SCAI: variants seen among roughly 807,000 people sequenced by gnomAD.
SCAI encodes the protein suppressor of cancer cell invasion, also known as protein SCAI.
Under a neutral mutation model 92.2 loss-of-function variants are expected in SCAI, and 24 were observed. That is an observed-to-expected ratio of 0.26 (90% CI 0.19 to 0.37). The LOEUF (loss-of-function observed/expected upper bound fraction) is 0.37. Among genes scored for constraint, SCAI ranks in the 10% least tolerant of loss-of-function variants. The probability of loss-of-function intolerance (pLI) is 1.00; values close to 1 mark genes in which losing one functional copy is unlikely to be tolerated. For synonymous variants in SCAI, 261 were observed against 258.6 expected, an observed-to-expected ratio of 1.01 and a Z score of -0.09; for missense variants, 450 against 736.2, an observed-to-expected ratio of 0.61 and a Z score of 4.50.
rs566513615 is a variant in SCAI at position 125,091,011 on chromosome 9, C to T, written c.99-35004G>A. 3.9e-5 allele frequency among the ~76,000 whole-genome samples: 6 copies of T among 152,150 alleles called. No homozygotes were observed. In the East Asian group the frequency reaches 9.7e-4, roughly 25 times the overall value. The stretch of plus-strand genomic sequence containing the variant: ...CAGGCGCCTGTAGTTCCAGCTACTC[C>T]GGAGGCTGAGGCAGGAGAATAGGTG... On this transcript the variant is annotated intron_variant, in intron 2 of 17. Coordinates refer to ENST00000336505, the MANE Select transcript of SCAI (RefSeq NM_001144877.3). The surrounding 1 kb of genome is among the most constrained non-coding windows in gnomAD (Gnocchi z 4.3).
chr9:124,982,063 T>G (rs546374122), intron 14 of SCAI, among the ~76,000 whole-genome samples: 1 of 152,352 alleles, frequency 6.6e-6, no homozygotes, highest in South Asian at 2.1e-4. Context: ...ATTGATAAAC[T>G]ACTTTGGGGT....
intron 2 of SCAI, among the ~76,000 whole-genome samples, chr9:125,119,021 C>T (rs1411671211): frequency 6.6e-6 from 1 of 152,098 alleles, no homozygotes; most frequent in Non-Finnish European, 1.5e-5. Flanking sequence ...ATCAAAAAGT[C>T]CAGGCTGGGT....
intron 2 of SCAI, among the ~76,000 whole-genome samples, chr9:125,113,627 A>T (rs1416986709): frequency 6.6e-6 from 1 of 151,496 alleles, no homozygotes; most frequent in Non-Finnish European, 1.5e-5. Context: ...GTGTTATATG[A>T]TCATTATAAA....
At chr9:125,006,503 TTC>T (rs1832510839) in intron 9 of SCAI, among the ~76,000 whole-genome samples, 1 of 152,048 alleles carries the variant, frequency 6.6e-6, no homozygotes, top group African/African-American at 2.4e-5. Context: ...CATTCATTCA[TTC>T]ATTTGAGACG....
At chr9:125,096,272 C>G (rs1834549869) in intron 2 of SCAI, among the ~76,000 whole-genome samples, 2 of 152,152 alleles carry the variant, frequency 1.3e-5, no homozygotes, top group African/African-American at 4.8e-5. Flanking sequence ...GCAGAACCAT[C>G]AGATCTCGTG....
intron 2 of SCAI, among the ~76,000 whole-genome samples, chr9:125,138,733 G>C (rs1588258596): frequency 6.6e-6 from 1 of 152,130 alleles, no homozygotes; most frequent in East Asian, 1.9e-4. Flanking sequence ...ATTTTTAATA[G>C]AAATGGGGTT....
chr9:125,095,070 T>C (rs182723167), intron 2 of SCAI, among the ~76,000 whole-genome samples: 1 of 152,346 alleles, frequency 6.6e-6, no homozygotes, highest in Non-Finnish European at 1.5e-5. Context: ...CTGGGAGTAC[T>C]GTCAGCTCCT....
chr9:125,068,399 C>G (rs1473880566), intron 2 of SCAI, among the ~76,000 whole-genome samples: 1 of 152,114 alleles, frequency 6.6e-6, no homozygotes, highest in South Asian at 2.1e-4. Flanking sequence ...ACTCGGGAAG[C>G]TGAGGCAGGA....
intron 2 of SCAI, among the ~76,000 whole-genome samples, chr9:125,113,148 G>C (rs1834963580): frequency 6.6e-6 from 1 of 152,190 alleles, no homozygotes; most frequent in South Asian, 2.1e-4. Context: ...TGAAAAGCGT[G>C]AATAAAGTAG....
rs117139307 is a variant in SCAI, at chr9:125,090,468, G to A, written c.99-34461C>T. On this transcript the variant is annotated intron_variant, in intron 2 of 17. Transcript: ENST00000336505. ...TGGAGAGATGAGGAAGAGGAAGGAGGATGATGAAGAAGGAGAAGGAAGGGG... is the reference window on the plus strand; with the variant it reads ...TGGAGAGATGAGGAAGAGGAAGGAGAATGATGAAGAAGGAGAAGGAAGGGG... Among the ~76,000 whole-genome samples, 936 of 151,562 alleles carry A rather than the reference G, an allele frequency of 6.2e-3. 5 individuals carry two copies. The highest frequency in any genetic ancestry group is 0.017 in the Middle Eastern group (5 of 290).
At chr9:125,010,589 C>T (rs1832615300) in intron 9 of SCAI, among the ~76,000 whole-genome samples, 1 of 152,238 alleles carries the variant, frequency 6.6e-6, no homozygotes, top group South Asian at 2.1e-4. Flanking sequence ...CTGTAGGCTC[C>T]ACCTCTGGGG....
At chr9:125,074,186 G>A (rs13294583) in intron 2 of SCAI, among the ~76,000 whole-genome samples, 1 of 149,074 alleles carries the variant, frequency 6.7e-6, no homozygotes, top group African/African-American at 2.5e-5. Flanking sequence ...TTGAACCCGA[G>A]AGGCAGAGGT....
In SCAI at chr9:124,967,077, C is replaced by A. The variant is rs116755084; in HGVS notation, c.1674+4293G>T. Among the ~76,000 whole-genome samples the A allele has an allele frequency of 6.0e-3, 918 of 152,126 alleles. 9 individuals carry two copies. Among genetic ancestry groups the A allele is most frequent in the African/African-American group, 0.021 (869 of 41,488 alleles). On this transcript the variant is annotated intron_variant, in intron 17 of 17. Coordinates refer to ENST00000336505, the MANE Select transcript of SCAI (RefSeq NM_001144877.3). ...TTGTGTGAGTTTTAATGTCCTGGAGCCTTGTTGCTTCATGTATAAAGTGCA... is the reference window on the plus strand; with the variant it reads ...TTGTGTGAGTTTTAATGTCCTGGAGACTTGTTGCTTCATGTATAAAGTGCA...
At chr9:125,132,695 G>A (rs370411879) in intron 2 of SCAI, among the ~76,000 whole-genome samples, 91 of 152,292 alleles carry the variant, frequency 6.0e-4, no homozygotes, top group African/African-American at 2.0e-3. Context: ...TCAGGCTGGT[G>A]CGGTGGCTCA....
chr9:124,996,090 G>A (rs1008504354), intron 13 of SCAI, among the ~76,000 whole-genome samples: 9 of 151,848 alleles, frequency 5.9e-5, no homozygotes, highest in Admixed American at 1.3e-4. Context: ...AATAAAAATT[G>A]TATATATTCA....
At chr9:125,025,049 G>A (rs1333859109) in intron 6 of SCAI, among the ~76,000 whole-genome samples, 8 of 152,210 alleles carry the variant, frequency 5.3e-5, no homozygotes, top group Admixed American at 4.6e-4. Flanking sequence ...CTGTGAAATT[G>A]TGGAATACTT....
chr9:124,956,439 G>A (rs578040398), intron 17 of SCAI, among the ~76,000 whole-genome samples: 167 of 152,162 alleles, frequency 1.1e-3, no homozygotes, highest in African/African-American at 3.8e-3. Context: ...GGTTGGTCTC[G>A]AACTCCCAAC....
At chr9:125,098,582 T>C (rs1834612637) in intron 2 of SCAI, among the ~76,000 whole-genome samples, 1 of 152,188 alleles carries the variant, frequency 6.6e-6, no homozygotes, top group Admixed American at 6.5e-5. Context: ...ATATCGAACA[T>C]TTTGGCAGGC....
rs1405789404 is a variant in SCAI, at chr9:124,951,145, A to G, written c.*1662T>C. The G allele has an allele frequency of 6.6e-6, 1 of 152,088 alleles. No individual in the cohort carries two copies. The highest frequency in any genetic ancestry group is 1.5e-5 in the Non-Finnish European group (1 of 68,112). 9.4% of individuals were successfully genotyped at this position (152,088 alleles called of 1,614,324 possible). On this transcript the variant is annotated 3_prime_UTR_variant, in exon 18 of 18. Transcript: ENST00000336505. Reference sequence around the variant, plus strand: ...CTTTGGACTTCAGGTTTGAAAAATCAGCAAATCAAAGCAGGAATGGGAATA... The same window carrying G: ...CTTTGGACTTCAGGTTTGAAAAATCGGCAAATCAAAGCAGGAATGGGAATA...
Sources: gnomAD v4.1 joint callset for allele counts (sites outside exome capture counted in the v4.1 genomes callset) on GRCh38, gnomAD v4.1.1 for gene constraint, Gnocchi (gnomAD v3.1) non-coding constraint, MANE v1.5 for transcripts, NCBI Gene and HGNC (gene_info 2026-07-23, HGNC 2026-07-21) for gene names.